The following PAK5 variants were observed in gnomAD, a reference collection of about 807,000 sequenced individuals.
PAK5 encodes the protein serine/threonine-protein kinase PAK 5.
Under a neutral mutation model 65.9 loss-of-function variants are expected in PAK5, and 16 were observed. That is an observed-to-expected ratio of 0.24 (90% CI 0.16 to 0.37). The LOEUF (loss-of-function observed/expected upper bound fraction) is 0.37, where lower values mean the gene tolerates loss of function less well. PAK5 is among the 10% of genes least tolerant of loss of function. The pLI, the probability that PAK5 is intolerant of heterozygous loss-of-function variation, is 1.00. For missense variants in PAK5, 785 were observed against 903.9 expected, an observed-to-expected ratio of 0.87 and a Z score of 1.69; for synonymous variants, 371 against 354.9, an observed-to-expected ratio of 1.05 and a Z score of -0.51.
intron 4 of PAK5, 144 bp from the exon 5 acceptor site, chr20:9,566,528 G>A (rs779739047): frequency 3.4e-5 from 26 of 756,902 alleles, no homozygotes; most frequent in Non-Finnish European, 5.1e-5. Context: ...CAACAGGACC[G>A]GCCACACCTA....
chr20:9,823,730 T>G (rs1015473054), intron 1 of PAK5, among the ~76,000 whole-genome samples: 1 of 152,202 alleles, frequency 6.6e-6, no homozygotes. Flanking sequence ...CCCTTCCATG[T>G]GTTACTTGCC....
chr20:9,824,981 C>G (rs1265156062), intron 1 of PAK5, among the ~76,000 whole-genome samples: 1 of 152,178 alleles, frequency 6.6e-6, no homozygotes, highest in African/African-American at 2.4e-5. Context: ...ATTGTAACAT[C>G]TGTTTCCTAT....
intron 3 of PAK5, among the ~76,000 whole-genome samples, chr20:9,641,642 T>C (rs898367320): frequency 9.3e-5 from 14 of 151,094 alleles, no homozygotes; most frequent in South Asian, 6.3e-4. Flanking sequence ...GAGCAGGGGG[T>C]GGTGCTCGTC....
intron 1 of PAK5, among the ~76,000 whole-genome samples, chr20:9,721,250 T>C (rs2048209211): frequency 6.6e-6 from 1 of 152,124 alleles, no homozygotes; most frequent in African/African-American, 2.4e-5. Flanking sequence ...TGGGCTCCTC[T>C]TCCCGTGGCT....
chr20:9,723,261 T>G (rs540220018), intron 1 of PAK5, among the ~76,000 whole-genome samples: 1 of 152,258 alleles, frequency 6.6e-6, no homozygotes, highest in South Asian at 2.1e-4. Flanking sequence ...GGAGCAGTAG[T>G]GGGAACAGTG....
At chr20:9,790,942 C>T (rs750503594) in intron 1 of PAK5, among the ~76,000 whole-genome samples, 10 of 152,100 alleles carry the variant, frequency 6.6e-5, no homozygotes, top group African/African-American at 2.2e-4. Context: ...CTCCACATCA[C>T]GGGGAATGGG....
chr20:9,656,644 C>T (rs1228094412), intron 2 of PAK5, among the ~76,000 whole-genome samples: 1 of 152,172 alleles, frequency 6.6e-6, no homozygotes, highest in African/African-American at 2.4e-5. Flanking sequence ...TGTTCTTCTA[C>T]TTAATGGGGC....
intron 2 of PAK5, among the ~76,000 whole-genome samples, chr20:9,699,385 C>T (rs779841761): frequency 3.9e-5 from 6 of 151,948 alleles, no homozygotes; most frequent in Non-Finnish European, 8.8e-5. Flanking sequence ...CAAGGCTGCA[C>T]TTACTCATCC....
At chr20:9,601,806 C>CA (rs899869743) in intron 3 of PAK5, among the ~76,000 whole-genome samples, 84 of 151,664 alleles carry the variant, frequency 5.5e-4, no homozygotes, top group African/African-American at 1.9e-3. Flanking sequence ...GTTGCTGGTC[C>CA]AAAAAAAATG....
intron 1 of PAK5, among the ~76,000 whole-genome samples, chr20:9,806,694 A>G (rs949471808): frequency 6.6e-6 from 1 of 152,202 alleles, no homozygotes; most frequent in African/African-American, 2.4e-5. Flanking sequence ...GGAGTGTGTT[A>G]TCCATTAAAT....
intron 1 of PAK5, among the ~76,000 whole-genome samples, chr20:9,801,675 T>C (rs2049170816): frequency 6.6e-6 from 1 of 152,060 alleles, no homozygotes; most frequent in Non-Finnish European, 1.5e-5. Context: ...ATCTCCATCA[T>C]GATTTCAAAT....
chr20:9,723,747 T>C (rs2123528307), intron 1 of PAK5, among the ~76,000 whole-genome samples: 1 of 152,198 alleles, frequency 6.6e-6, no homozygotes, highest in South Asian at 2.1e-4. Flanking sequence ...GCAGCCTAGA[T>C]TAGGGAACGG....
chr20:9,701,590 A>T (rs1020076890), intron 2 of PAK5, among the ~76,000 whole-genome samples: 1 of 152,192 alleles, frequency 6.6e-6, no homozygotes, highest in Non-Finnish European at 1.5e-5. Flanking sequence ...GCTCTAAGTC[A>T]TTTTCAGGCA....
At chr20:9,770,656 A>G (rs1311024265) in intron 1 of PAK5, among the ~76,000 whole-genome samples, 2 of 152,182 alleles carry the variant, frequency 1.3e-5, no homozygotes, top group Admixed American at 1.3e-4. Flanking sequence ...AGAAAATGCA[A>G]GACAGTAATT....
At chr20:9,582,047 G>C (rs1183242467) in intron 3 of PAK5, among the ~76,000 whole-genome samples, 1 of 151,986 alleles carries the variant, frequency 6.6e-6, no homozygotes. Flanking sequence ...TAATAGTTTT[G>C]TACTATACCC....
intron 1 of PAK5, among the ~76,000 whole-genome samples, chr20:9,793,126 C>A (rs1600380587): frequency 6.6e-6 from 1 of 152,102 alleles, no homozygotes; most frequent in Non-Finnish European, 1.5e-5. Context: ...ACACTGGTCA[C>A]TCCCTCTACC....
intron 2 of PAK5, among the ~76,000 whole-genome samples, chr20:9,653,786 T>A (rs2047231324): frequency 6.6e-6 from 1 of 152,246 alleles, no homozygotes; most frequent in Admixed American, 6.5e-5. Flanking sequence ...GAGTCTCACC[T>A]GGTAAAAATC....
At chr20:9,687,041 A>C (rs1454088168) in intron 2 of PAK5, among the ~76,000 whole-genome samples, 1 of 152,170 alleles carries the variant, frequency 6.6e-6, no homozygotes, top group Non-Finnish European at 1.5e-5. Flanking sequence ...GAGGCAAAGG[A>C]GCCGCCCCCT....
At chr20:9,764,945 C>G (rs1024247414) in intron 1 of PAK5, among the ~76,000 whole-genome samples, 3 of 152,144 alleles carry the variant, frequency 2.0e-5, no homozygotes, top group Non-Finnish European at 4.4e-5. Context: ...ACCAATTGTC[C>G]TTGCAGTTGG....
Sources: allele counts gnomAD v4.1 joint callset (sites outside exome capture counted in the v4.1 genomes callset), GRCh38; gene constraint gnomAD v4.1.1; transcripts MANE v1.5; gene names NCBI Gene and HGNC (gene_info 2026-07-23, HGNC 2026-07-21).